The following NUP133 variants were observed in gnomAD, a reference collection of about 807,000 sequenced individuals.
NUP133 encodes the protein nuclear pore complex protein Nup133.
NUP133 carries 66 observed loss-of-function variants against 146.2 expected under a neutral mutation model. That is an observed-to-expected ratio of 0.45 (90% CI 0.37 to 0.55). NUP133 has a LOEUF of 0.55. Among genes scored for constraint, NUP133 ranks in the 20% least tolerant of loss-of-function variants. The pLI, the probability that NUP133 is intolerant of heterozygous loss-of-function variation, is 0.00. For synonymous variants in NUP133, 521 were observed against 498.8 expected, an observed-to-expected ratio of 1.04 and a Z score of -0.59; for missense variants, 1,277 against 1,374.8, an observed-to-expected ratio of 0.93 and a Z score of 1.12.
chr1:229,505,460 T>C (rs955037497), intron 2 of NUP133, among the ~76,000 whole-genome samples: 1 of 148,418 alleles, frequency 6.7e-6, no homozygotes, highest in African/African-American at 2.5e-5. Context: ...CCAAAGATAA[T>C]GGGGGACTAC....
At chr1:229,465,044 G>T (rs1454411267) in intron 17 of NUP133, among the ~76,000 whole-genome samples, 169 bp from the exon 18 acceptor site, 2 of 152,164 alleles carry the variant, frequency 1.3e-5, no homozygotes, top group African/African-American at 2.4e-5. Context: ...CTTCTCCAAG[G>T]AGATTTCCTC....
intron 14 of NUP133, among the ~76,000 whole-genome samples, chr1:229,472,707 C>CATACATACATACAT (rs58951309): frequency 3.2e-5 from 4 of 124,270 alleles, no homozygotes; most frequent in African/African-American, 1.3e-4. Flanking sequence ...ACTAAATATA[C>CATACATACATACAT]ATATATATAT....
At position 229,508,260 on chromosome 1, in the gene NUP133, A is replaced by G; in HGVS notation, c.-11T>C. 1 of 1,490,686 alleles carries G rather than the reference A, an allele frequency of 6.7e-7. No individual in the cohort carries two copies. The highest frequency in any genetic ancestry group is 8.9e-7 in the Non-Finnish European group (1 of 1,119,776). 92.3% of individuals were successfully genotyped at this position (1,490,686 alleles called of 1,614,324 possible). ...GGCGGCTGGGAACATGACTCCAAGGAGCAGCGACTAGGACAGCGAGGGATC... is the reference window on the plus strand; with the variant it reads ...GGCGGCTGGGAACATGACTCCAAGGGGCAGCGACTAGGACAGCGAGGGATC... On this transcript the variant is annotated 5_prime_UTR_variant, in exon 1 of 26. Transcript: ENST00000261396.
chr1:229,470,073 C>A (rs563636657), intron 15 of NUP133, among the ~76,000 whole-genome samples: 2 of 152,130 alleles, frequency 1.3e-5, no homozygotes, highest in South Asian at 4.2e-4. Context: ...AGGAGAAGAT[C>A]AGGATGGATG....
chr1:229,464,717 G>C lies in NUP133; in HGVS notation c.2458C>G (p.Leu820Val), dbSNP rs2102758171. Residue 820 changes from leucine (L) to valine (V), a missense_variant, in exon 18 of 26, where the codon CTT (leucine) becomes GTT (valine). Leu to Val is a conservative substitution (Grantham distance 32). This residue lies in a region of NUP133 where 952 missense variants were observed against 1,047.0 expected (regional missense o/e 0.91). Coordinates refer to ENST00000261396, the MANE Select transcript of NUP133 (RefSeq NM_018230.3). ...TTACTGGATTTATCCACAGACTTAA[G>C]CTGAGAAACATAACCATCCAGGAAG... ...DCFLDGYVSQ[L>V]KSVDKSSNRE... The C allele has an allele frequency of 6.2e-7, 1 of 1,614,174 alleles. No homozygotes were observed. The highest frequency in any genetic ancestry group is 1.7e-5 in the Admixed American group (1 of 60,020).
chr1:229,471,824 G>A (rs1571920163), intron 14 of NUP133, among the ~76,000 whole-genome samples: 4 of 151,876 alleles, frequency 2.6e-5, no homozygotes, highest in Non-Finnish European at 5.9e-5. Flanking sequence ...ACACAAAAGG[G>A]GTCACACTGT....
rs747802143 is a variant in NUP133, at chr1:229,444,971, T to C, written c.3277A>G (p.Ile1093Val). Residue 1093 changes from isoleucine to valine, a missense_variant, in exon 25 of 26, where the codon ATT (isoleucine) becomes GTT (valine). Physicochemically the swap from Ile to Val is conservative, Grantham distance 29. Transcript: ENST00000261396. The stretch of plus-strand genomic sequence containing the variant: ...AATATACTGTCTTTAGATACTTCAA[T>C]TGGATCATCTTTGCCATCAGAACTG... Reference protein sequence around the residue: ...WSSSDGKDDPIEVSKDSIFVK... With the variant: ...WSSSDGKDDPVEVSKDSIFVK... 1.2e-5 allele frequency: 20 copies of C among 1,612,630 alleles called. No homozygotes were observed. Among genetic ancestry groups the C allele is most frequent in the South Asian group, 6.6e-5 (6 of 90,692 alleles).
At chr1:229,449,874 T>TATATATATATATATATATA (rs1491123491) in intron 23 of NUP133, among the ~76,000 whole-genome samples, 9 of 77,990 alleles carry the variant, frequency 1.2e-4, no homozygotes, top group African/African-American at 4.3e-4. Flanking sequence ...TATATATATA[T>TATATATATATATATATATA]TTTTTTTTTT....
At chr1:229,457,672 T>A (rs960965845) in intron 21 of NUP133, among the ~76,000 whole-genome samples, 2 of 152,254 alleles carry the variant, frequency 1.3e-5, no homozygotes, top group East Asian at 3.8e-4. Flanking sequence ...TTGTTGAATA[T>A]TTTTAATTCT....
intron 19 of NUP133, among the ~76,000 whole-genome samples, chr1:229,462,812 A>G (rs1660723099): frequency 6.6e-6 from 1 of 152,080 alleles, no homozygotes; most frequent in African/African-American, 2.4e-5. Context: ...TTGGCCTCTC[A>G]AAGTGCTGGG....
chr1:229,505,635 C>T (rs983382107), intron 2 of NUP133, among the ~76,000 whole-genome samples: 1 of 149,972 alleles, frequency 6.7e-6, no homozygotes, highest in African/African-American at 2.4e-5. Flanking sequence ...GCCTGTAATC[C>T]CAGCACTTTG....
chr1:229,479,623 CA>C (rs2102769209), intron 12 of NUP133, among the ~76,000 whole-genome samples: 1 of 152,172 alleles, frequency 6.6e-6, no homozygotes, highest in East Asian at 1.9e-4. Flanking sequence ...GTCACTGGAG[CA>C]GGGGGTAAGG....
intron 13 of NUP133, among the ~76,000 whole-genome samples, chr1:229,477,265 C>T (rs1304712525): frequency 6.6e-6 from 1 of 151,826 alleles, no homozygotes; most frequent in Admixed American, 6.6e-5. Flanking sequence ...CAGTGAAACC[C>T]CGTCTCTACC....
In NUP133 at chr1:229,440,599, C is replaced by T. The variant is rs184423536; in HGVS notation, c.*1305G>A. The T allele has an allele frequency of 1.3e-5, 2 of 152,364 alleles. No individual in the cohort carries two copies. Among genetic ancestry groups the T allele is most frequent in the Admixed American group, 1.3e-4 (2 of 15,300 alleles). 9.4% of individuals were successfully genotyped at this position (152,364 alleles called of 1,614,324 possible). On this transcript the variant is annotated 3_prime_UTR_variant, in exon 26 of 26. Coordinates refer to ENST00000261396, the MANE Select transcript of NUP133 (RefSeq NM_018230.3). Reference sequence around the variant, plus strand: ...TGAGACGTGAACACTGACAGCTGACCTCCACGTAAAAGCAAAGCCTCATCT... The same window carrying T: ...TGAGACGTGAACACTGACAGCTGACTTCCACGTAAAAGCAAAGCCTCATCT...
At chr1:229,467,098 A>T (rs1660843434) in intron 15 of NUP133, among the ~76,000 whole-genome samples, 1 of 152,230 alleles carries the variant, frequency 6.6e-6, no homozygotes, top group African/African-American at 2.4e-5. Flanking sequence ...ACCCCAAACT[A>T]ATGAACTAAT....
At chr1:229,444,851 A>AC (rs1255850335) in intron 25 of NUP133, 63 bp downstream of exon 25, 3 of 1,210,648 alleles carry the variant, frequency 2.5e-6, no homozygotes, top group Middle Eastern at 2.1e-4. Context: ...CGTCTCAAAA[A>AC]AAAACCCAAA....
chr1:229,444,749 A>C (rs954816041), intron 25 of NUP133, among the ~76,000 whole-genome samples, 165 bp downstream of exon 25: 1 of 152,106 alleles, frequency 6.6e-6, no homozygotes, highest in Non-Finnish European at 1.5e-5. Flanking sequence ...CCAGGGGCTG[A>C]GGCAGAAGAA....
intron 1 of NUP133, among the ~76,000 whole-genome samples, chr1:229,507,003 T>C (rs1162671096): frequency 6.6e-6 from 1 of 152,150 alleles, no homozygotes; most frequent in Non-Finnish European, 1.5e-5. Context: ...GTCTATGTCT[T>C]ATCACGAGAA....
In NUP133 at chr1:229,446,525, C is replaced by T. The variant is rs184413195; in HGVS notation, c.3246-1523G>A. Reference sequence around the variant, plus strand: ...TAAAAAACAAAATAGGCCAGAAGATCGAGAACATCCTGGCTAACAAAGTGA... The same window carrying T: ...TAAAAAACAAAATAGGCCAGAAGATTGAGAACATCCTGGCTAACAAAGTGA... On this transcript the variant is annotated intron_variant, in intron 24 of 25. Coordinates refer to ENST00000261396, the MANE Select transcript of NUP133 (RefSeq NM_018230.3). Among the ~76,000 whole-genome samples the T allele has an allele frequency of 5.3e-3, 810 of 151,830 alleles. 9 individuals are homozygous for T. Among genetic ancestry groups the T allele is most frequent in the African/African-American group, 0.019 (780 of 41,388 alleles).
Sources: allele counts gnomAD v4.1 joint callset (sites outside exome capture counted in the v4.1 genomes callset), GRCh38; gene constraint gnomAD v4.1.1; regional missense constraint gnomAD v4.1.1; transcripts MANE v1.5; gene names NCBI Gene and HGNC (gene_info 2026-07-23, HGNC 2026-07-21).